Variants in RORB observed in about 807,000 individuals in gnomAD.
RORB encodes the protein RAR related orphan receptor B.
Under a neutral mutation model 59.1 loss-of-function variants are expected in RORB, and 6 were observed. The ratio of observed to expected loss-of-function variants is 0.10; its 90% CI spans 0.06 to 0.20. The LOEUF is 0.20. Among genes scored for constraint, RORB ranks in the 10% least tolerant of loss-of-function variants. The pLI is 1.00. For synonymous variants in RORB, 215 were observed against 204.5 expected, an observed-to-expected ratio of 1.05 and a Z score of -0.44; for missense variants, 320 against 560.5, an observed-to-expected ratio of 0.57 and a Z score of 4.33.
intron 7 of RORB, among the ~76,000 whole-genome samples, chr9:74,665,979 A>G (rs542418205): frequency 6.6e-6 from 1 of 152,274 alleles, no homozygotes; most frequent in Admixed American, 6.5e-5. Flanking sequence ...CCATCTCTAC[A>G]AAAAGTACAA....
chr9:74,550,848 A>C (rs966094661), intron 1 of RORB, among the ~76,000 whole-genome samples: 1 of 152,236 alleles, frequency 6.6e-6, no homozygotes, highest in Non-Finnish European at 1.5e-5. Flanking sequence ...AAATGTGGCC[A>C]GTCCAAATTG....
intron 1 of RORB, among the ~76,000 whole-genome samples, chr9:74,620,787 C>T (rs1404542340): frequency 2.0e-5 from 3 of 152,010 alleles, no homozygotes; most frequent in African/African-American, 7.3e-5. Flanking sequence ...TTATTTCTGC[C>T]TTCATTTCGT....
chr9:74,674,872 A>G (rs141353299), intron 9 of RORB, among the ~76,000 whole-genome samples: 1 of 152,340 alleles, frequency 6.6e-6, no homozygotes, highest in Non-Finnish European at 1.5e-5. Flanking sequence ...GTCCCTGGAC[A>G]TGTGACTTTA....
chr9:74,567,138 G>T (rs955373651), intron 1 of RORB, among the ~76,000 whole-genome samples: 1 of 151,420 alleles, frequency 6.6e-6, no homozygotes, highest in African/African-American at 2.4e-5. Flanking sequence ...AGGGATTCCC[G>T]TCTCAACCTC....
At position 74,596,311 on chromosome 9, in the gene RORB, C is replaced by T. The variant is rs192952750; in HGVS notation, c.8-33971C>T. ...AGCATTTTTTAGAAAAGAGAATTAA[C>T]GAATAAAAAGGGTCACCATCAGCAC... is the stretch of plus-strand genomic sequence containing the variant. On this transcript the variant is annotated intron_variant, in intron 1 of 9. Coordinates refer to ENST00000376896, the MANE Select transcript of RORB (RefSeq NM_006914.4). Among the ~76,000 whole-genome samples, 6 of 152,134 alleles carry T rather than the reference C, an allele frequency of 3.9e-5. No homozygotes were observed. In the South Asian group the frequency reaches 1.0e-3, roughly 26 times the overall value.
chr9:74,549,102 T>G (rs1364917160), intron 1 of RORB, among the ~76,000 whole-genome samples: 2 of 152,202 alleles, frequency 1.3e-5, no homozygotes, highest in African/African-American at 4.8e-5. Flanking sequence ...TACTGCTCAG[T>G]TGCTTTCTGT....
At chr9:74,592,305 A>G (rs897117281) in intron 1 of RORB, among the ~76,000 whole-genome samples, 1 of 152,184 alleles carries the variant, frequency 6.6e-6, no homozygotes, top group African/African-American at 2.4e-5. Context: ...TACCTACTGA[A>G]CCAGAATCTT....
chr9:74,618,100 G>C (rs1203220619), intron 1 of RORB, among the ~76,000 whole-genome samples: 1 of 151,912 alleles, frequency 6.6e-6, no homozygotes, highest in African/African-American at 2.4e-5. Context: ...AAAAATCAAA[G>C]CTCTTGTAGA....
rs1405109983 is a variant in RORB at position 74,532,918 on chromosome 9, C to T, written c.7+34935C>T. ...TGTTGGGCTCATTTTGAATAAGTGA[C>T]CTTCATTTTAAAATCAGGAAACTTT... On this transcript the variant is annotated intron_variant, in intron 1 of 9. Transcript: ENST00000376896. 4.7e-5 allele frequency among the ~76,000 whole-genome samples: 7 copies of T among 149,862 alleles called. No homozygotes were observed. The East Asian group carries it at 1.4e-3, about 29-fold the overall frequency.
chr9:74,619,472 G>T (rs1823372253), intron 1 of RORB, among the ~76,000 whole-genome samples: 1 of 152,164 alleles, frequency 6.6e-6, no homozygotes, highest in Non-Finnish European at 1.5e-5. Flanking sequence ...TATTTTTTGA[G>T]TTGGAGTCTT....
chr9:74,617,167 T>C (rs1369292711), intron 1 of RORB, among the ~76,000 whole-genome samples: 1 of 151,786 alleles, frequency 6.6e-6, no homozygotes, highest in Non-Finnish European at 1.5e-5. Context: ...TTGTACCAAT[T>C]CAATTTACAT....
At position 74,629,739 on chromosome 9, in the gene RORB, A is replaced by T. The variant is rs1823584779; in HGVS notation, c.8-543A>T. On this transcript the variant is annotated intron_variant, in intron 1 of 9. Coordinates refer to ENST00000376896, the MANE Select transcript of RORB (RefSeq NM_006914.4). ...AATATCCTTTATTATTTTAGAGAAC[A>T]TATACAGCATGCTCAGTAAATATTG... Among the ~76,000 whole-genome samples the T allele has an allele frequency of 2.0e-5, 3 of 152,228 alleles. No homozygotes were observed. The South Asian group carries it at 6.2e-4, about 32-fold the overall frequency.
chr9:74,645,318 A>G (rs1823876856), intron 4 of RORB, among the ~76,000 whole-genome samples: 1 of 152,170 alleles, frequency 6.6e-6, no homozygotes, highest in Admixed American at 6.5e-5. Context: ...AAACATTGAC[A>G]CTCATTTCAC....
chr9:74,648,022 T>C (rs1823927737), intron 4 of RORB, among the ~76,000 whole-genome samples: 1 of 152,240 alleles, frequency 6.6e-6, no homozygotes, highest in Non-Finnish European at 1.5e-5. Flanking sequence ...TCTTGCTATA[T>C]ATTTCCTGTG....
intron 3 of RORB, among the ~76,000 whole-genome samples, chr9:74,638,113 A>G (rs1010348580): frequency 3.9e-5 from 6 of 152,230 alleles, no homozygotes; most frequent in African/African-American, 1.2e-4. Context: ...TTCATTGGTA[A>G]GCAGCAAAAT....
At chr9:74,623,918 T>G (rs1201873789) in intron 1 of RORB, among the ~76,000 whole-genome samples, 1 of 152,222 alleles carries the variant, frequency 6.6e-6, no homozygotes, top group African/African-American at 2.4e-5. Flanking sequence ...TGATTTACTT[T>G]GTTTACAAGG....
rs986259970 is a variant in RORB, at chr9:74,513,565, G to A, written c.7+15582G>A. 3.9e-5 allele frequency among the ~76,000 whole-genome samples: 6 copies of A among 151,906 alleles called. 1 individual carries two copies. Among genetic ancestry groups the A allele is most frequent in the Admixed American group, 6.6e-5 (1 of 15,234 alleles). Reference sequence around the variant, plus strand: ...AACCTGTGTTCACAGAGAAAAAAATGGTTAAGTCTAAAATATATACTTACT... The same window carrying A: ...AACCTGTGTTCACAGAGAAAAAAATAGTTAAGTCTAAAATATATACTTACT... On this transcript the variant is annotated intron_variant, in intron 1 of 9. Transcript: ENST00000376896.
chr9:74,647,474 G>A (rs566553531), intron 4 of RORB, among the ~76,000 whole-genome samples: 2 of 152,276 alleles, frequency 1.3e-5, no homozygotes, highest in South Asian at 4.1e-4. Context: ...TGCTAAGGGT[G>A]TACATTGCCT....
chr9:74,682,884 G>T (rs1824570291), intron 9 of RORB, among the ~76,000 whole-genome samples: 1 of 152,156 alleles, frequency 6.6e-6, no homozygotes, highest in African/African-American at 2.4e-5. Context: ...GAGCCACTGT[G>T]CCTGGCTCAA....
Sources: gnomAD v4.1 joint callset for allele counts (sites outside exome capture counted in the v4.1 genomes callset) on GRCh38, gnomAD v4.1.1 for gene constraint, MANE v1.5 for transcripts, NCBI Gene and HGNC (gene_info 2026-07-23, HGNC 2026-07-21) for gene names.